Variants in PRKG1 observed in about 807,000 individuals in gnomAD.
PRKG1 encodes cGMP-dependent protein kinase 1.
Under a neutral mutation model 88.1 loss-of-function variants are expected in PRKG1, and 35 were observed. The observed-to-expected ratio is 0.40, with a 90% CI of 0.30 to 0.53. The LOEUF (loss-of-function observed/expected upper bound fraction) is 0.53, where lower values mean the gene tolerates loss of function less well. PRKG1 is among the 20% of genes least tolerant of loss of function. The pLI is 0.59. For synonymous variants in PRKG1, 303 were observed against 292.5 expected (o/e 1.04, Z -0.37); for missense variants, 540 against 839.8 (o/e 0.64, Z 4.41).
chr10:51,143,094 T>C (rs1451458396), intron 1 of PRKG1, among the ~76,000 whole-genome samples: 2 of 152,008 alleles, frequency 1.3e-5, no homozygotes, highest in Admixed American at 1.3e-4. Flanking sequence ...TATTAAACTG[T>C]AATTATGTAA....
chr10:51,054,648 AG>A (rs1436871967), intron 1 of PRKG1, among the ~76,000 whole-genome samples: 1 of 152,212 alleles, frequency 6.6e-6, no homozygotes, highest in East Asian at 1.9e-4. Context: ...AGGCATATCT[AG>A]GTGTGCATAG....
chr10:51,125,663 C>T (rs997283505), intron 1 of PRKG1, among the ~76,000 whole-genome samples: 8 of 145,616 alleles, frequency 5.5e-5, no homozygotes, highest in South Asian at 2.1e-4. Flanking sequence ...GCCTTGGCAA[C>T]GGAGTAAAAC....
In PRKG1 at chr10:52,140,306, G is replaced by A. The variant is rs141965633; in HGVS notation, c.1001+6401G>A. Among the ~76,000 whole-genome samples the A allele has an allele frequency of 9.0e-4, 137 of 152,226 alleles. 1 individual carries two copies. Among genetic ancestry groups the A allele is most frequent in the Non-Finnish European group, 8.8e-4 (60 of 68,010 alleles). ...TACATAAAAAGAACTGATTTGAAGCGTCTGATCAGCACTGCCCATGGTGTC... is the reference window on the plus strand; with the variant it reads ...TACATAAAAAGAACTGATTTGAAGCATCTGATCAGCACTGCCCATGGTGTC... On this transcript the variant is annotated intron_variant, in intron 8 of 17. Transcript: ENST00000373980.
intron 1 of PRKG1, among the ~76,000 whole-genome samples, chr10:51,048,602 C>A (rs765338890): frequency 5.3e-5 from 8 of 152,158 alleles, no homozygotes; most frequent in Non-Finnish European, 1.2e-4. Flanking sequence ...GTGGATCTTT[C>A]TGTGGGAAAA....
At chr10:51,442,933 G>T (rs966168857) in intron 2 of PRKG1, among the ~76,000 whole-genome samples, 8 of 151,986 alleles carry the variant, frequency 5.3e-5, no homozygotes, top group African/African-American at 1.9e-4. Context: ...TGGCAACTAG[G>T]CATAGAGTTA....
intron 5 of PRKG1, among the ~76,000 whole-genome samples, chr10:52,018,335 C>G (rs1008366052): frequency 1.3e-5 from 2 of 152,140 alleles, no homozygotes; most frequent in Non-Finnish European, 2.9e-5. Flanking sequence ...TAAGCATGTT[C>G]ATGGACACCA....
intron 7 of PRKG1, among the ~76,000 whole-genome samples, chr10:52,131,487 G>A (rs1259605378): frequency 1.3e-5 from 2 of 151,922 alleles, no homozygotes; most frequent in East Asian, 3.9e-4. Flanking sequence ...AAGTTAGAGA[G>A]GAACTTCCTA....
chr10:51,433,074 G>A (rs988515132), intron 2 of PRKG1, among the ~76,000 whole-genome samples: 16 of 152,224 alleles, frequency 1.1e-4, no homozygotes, highest in East Asian at 7.8e-4. Context: ...AACATAGCAC[G>A]CAGTGGATTC....
At chr10:51,930,487 TTTTTC>T (rs1842666866) in intron 5 of PRKG1, among the ~76,000 whole-genome samples, 1 of 133,536 alleles carries the variant, frequency 7.5e-6, no homozygotes, top group African/African-American at 3.3e-5. Context: ...AGAACCTTTT[TTTTTC>T]CTCTTTTTTT....
intron 4 of PRKG1, among the ~76,000 whole-genome samples, chr10:51,862,259 T>A (rs1488339870): frequency 6.6e-6 from 1 of 152,202 alleles, no homozygotes; most frequent in Non-Finnish European, 1.5e-5. Flanking sequence ...GCTCATTTAG[T>A]CCTGGTGCCC....
rs778505675 is a variant in PRKG1 at position 52,271,303 on chromosome 10, T to C, written c.1174-47T>C. The C allele has an allele frequency of 1.2e-5, 19 of 1,589,458 alleles. No individual in the cohort carries two copies. In the African/African-American group the frequency reaches 1.3e-4, roughly 11 times the overall value. ...TTAATTTGGGGATAATAATGCACTC[T>C]TACAAGTCTATGGGCTTTTTCTTAC... On this transcript the variant is annotated intron_variant, in intron 10 of 17. Coordinates refer to ENST00000373980, the MANE Select transcript of PRKG1 (RefSeq NM_006258.4).
intron 5 of PRKG1, among the ~76,000 whole-genome samples, chr10:52,029,622 T>C (rs1158587346): frequency 6.6e-6 from 1 of 152,214 alleles, no homozygotes; most frequent in Non-Finnish European, 1.5e-5. Flanking sequence ...GCCTGGTACT[T>C]GACCACGGCT....
chr10:52,220,172 A>G (rs565455122), intron 9 of PRKG1, among the ~76,000 whole-genome samples: 38 of 152,176 alleles, frequency 2.5e-4, no homozygotes, highest in Non-Finnish European at 2.9e-5. Flanking sequence ...AAGTATGACA[A>G]CTGAGGCTAC....
chr10:51,239,594 G>A lies in PRKG1; in HGVS notation c.478+86264G>A, dbSNP rs114822828. Among the ~76,000 whole-genome samples, 1,023 of 152,160 alleles carry A rather than the reference G, an allele frequency of 6.7e-3. 11 individuals are homozygous for A. The highest frequency in any genetic ancestry group is 0.023 in the African/African-American group (964 of 41,502). On this transcript the variant is annotated intron_variant, in intron 2 of 17. Coordinates refer to ENST00000373980, the MANE Select transcript of PRKG1 (RefSeq NM_006258.4). ...ATGCTGAGAGTGAGGATGAGACCTCGGCGCACCCCCCTCAACACTAGACAG... is the reference window on the plus strand; with the variant it reads ...ATGCTGAGAGTGAGGATGAGACCTCAGCGCACCCCCCTCAACACTAGACAG...
At chr10:51,372,622 A>T (rs1471561051) in intron 2 of PRKG1, among the ~76,000 whole-genome samples, 1 of 152,176 alleles carries the variant, frequency 6.6e-6, no homozygotes, top group Non-Finnish European at 1.5e-5. Flanking sequence ...TAAGTATAAT[A>T]TTTCCTATAA....
At chr10:51,203,146 G>A (rs867314314) in intron 2 of PRKG1, among the ~76,000 whole-genome samples, 14 of 152,054 alleles carry the variant, frequency 9.2e-5, no homozygotes, top group Non-Finnish European at 1.8e-4. Flanking sequence ...CTACTTAAAT[G>A]GTCACTTATT....
Position 52,293,937 on chromosome 10 carries a change from A to T in PRKG1, c.*37A>T. On this transcript the variant is annotated 3_prime_UTR_variant, in exon 18 of 18. Transcript: ENST00000373980. ...TACCTGCTTCTGCCTTGCTGAAGAC[A>T]GCTTTTTCTGAGACACAGCTGCCAG... The T allele has an allele frequency of 6.5e-7, 1 of 1,541,494 alleles. No homozygotes were observed. Among genetic ancestry groups the T allele is most frequent in the Non-Finnish European group, 8.9e-7 (1 of 1,118,224 alleles).
intron 5 of PRKG1, among the ~76,000 whole-genome samples, chr10:52,024,016 G>T (rs1484793742): frequency 6.6e-6 from 1 of 152,000 alleles, no homozygotes; most frequent in Non-Finnish European, 1.5e-5. Flanking sequence ...GTATTGCCTA[G>T]GTTTTCTTCT....
intron 5 of PRKG1, among the ~76,000 whole-genome samples, chr10:51,940,483 T>C (rs1842883614): frequency 1.3e-5 from 2 of 151,968 alleles, no homozygotes; most frequent in Admixed American, 1.3e-4. Context: ...CCTCTGTTTA[T>C]AGCTCTTGCC....
Sources: allele counts gnomAD v4.1 joint callset (sites outside exome capture counted in the v4.1 genomes callset), GRCh38; gene constraint gnomAD v4.1.1; transcripts MANE v1.5; gene names NCBI Gene and HGNC (gene_info 2026-07-23, HGNC 2026-07-21).